Variants in OR5D3 observed in about 807,000 individuals in gnomAD.
OR5D3 encodes olfactory receptor family 5 subfamily D member 3.
At chr11:55,724,172 A>G in the OR5D3 span, 3 of 386,758 alleles carry the variant, frequency 7.8e-6, no homozygotes, top group Admixed American at 8.9e-5. Flanking sequence ...CACTTAGTTC[A>G]TTCAACAAGC....
chr11:55,723,922 C>T, the OR5D3 span: 1 of 394,640 alleles, frequency 2.5e-6, no homozygotes. Context: ...AGGAAATATA[C>T]TCTCGACACT....
the OR5D3 span, chr11:55,729,020 A>G: frequency 1.3e-5 from 2 of 152,058 alleles, no homozygotes; most frequent in South Asian, 2.1e-4. Flanking sequence ...CTATTTTTAA[A>G]TATTGTTTTG....
At chr11:55,725,425 G>A in the OR5D3 span, among the ~76,000 whole-genome samples, 111 of 152,066 alleles carry the variant, frequency 7.3e-4, 1 homozygote, top group African/African-American at 2.4e-3. Flanking sequence ...ATATTTATTT[G>A]CAGTACTCAG....
chr11:55,724,108 C>T, the OR5D3 span: 1 of 396,344 alleles, frequency 2.5e-6, no homozygotes, highest in African/African-American at 2.1e-5. Flanking sequence ...ATACTGAGTT[C>T]CGGTAATCTT....
chr11:55,724,977 C>G, the OR5D3 span, among the ~76,000 whole-genome samples: 1 of 151,976 alleles, frequency 6.6e-6, no homozygotes, highest in African/African-American at 2.4e-5. Context: ...ATGACTTAGA[C>G]TAAAGCCACA....
chr11:55,727,590 TAGA>T, the OR5D3 span: 1 of 152,184 alleles, frequency 6.6e-6, no homozygotes, highest in East Asian at 1.9e-4. Context: ...ACTTTGGCAT[TAGA>T]AGATTTACAG....
chr11:55,724,626 A>G, the OR5D3 span, among the ~76,000 whole-genome samples: 3 of 152,146 alleles, frequency 2.0e-5, no homozygotes, highest in South Asian at 2.1e-4. Context: ...ATCTAGATCT[A>G]AGCAGTTTGG....
chr11:55,724,013 G>A, the OR5D3 span: 1 of 397,960 alleles, frequency 2.5e-6, no homozygotes, highest in South Asian at 1.3e-4. Flanking sequence ...TTCAGCAAAA[G>A]ATCCTTCAGT....
At chr11:55,729,483 A>G in the OR5D3 span, 4 of 152,026 alleles carry the variant, frequency 2.6e-5, no homozygotes, top group African/African-American at 9.7e-5. Flanking sequence ...AACTATAAAA[A>G]TTATATCTGG....
At chr11:55,726,822 A>G in the OR5D3 span, 4 of 398,716 alleles carry the variant, frequency 1.0e-5, no homozygotes, top group East Asian at 1.4e-4. Flanking sequence ...TAGTTTCTGC[A>G]ACATTCAATG....
At chr11:55,725,104 A>G in the OR5D3 span, among the ~76,000 whole-genome samples, 3 of 152,052 alleles carry the variant, frequency 2.0e-5, no homozygotes, top group African/African-American at 7.3e-5. Flanking sequence ...TTCAATAACT[A>G]CTTAAGGTTT....
the OR5D3 span, chr11:55,726,789 C>A: frequency 7.5e-6 from 3 of 398,962 alleles, no homozygotes; most frequent in Non-Finnish European, 1.3e-5. Flanking sequence ...GCTCTGACCC[C>A]TACATGAGCC....
chr11:55,726,825 A>G, the OR5D3 span: 1 of 399,020 alleles, frequency 2.5e-6, no homozygotes, highest in Non-Finnish European at 4.4e-6. Context: ...TTTCTGCAAC[A>G]TTCAATGAAA....
At chr11:55,727,880 A>G in the OR5D3 span, 3 of 152,100 alleles carry the variant, frequency 2.0e-5, no homozygotes, top group African/African-American at 7.3e-5. Flanking sequence ...TCTTTTAACC[A>G]GTTTCCCCCT....
chr11:55,727,162 T>C, the OR5D3 span: 2 of 398,772 alleles, frequency 5.0e-6, no homozygotes, highest in African/African-American at 2.1e-5. Flanking sequence ...AATGTAATGC[T>C]AGAAATATTA....
At chr11:55,728,997 A>C in the OR5D3 span, 1 of 152,172 alleles carries the variant, frequency 6.6e-6, no homozygotes, top group Non-Finnish European at 1.5e-5. Context: ...TTCCAGGATA[A>C]AGTTAGAATA....
chr11:55,727,230 T>C, the OR5D3 span: 1 of 397,266 alleles, frequency 2.5e-6, no homozygotes, highest in African/African-American at 2.1e-5. Flanking sequence ...TTGCATGAAA[T>C]TATGATAACC....
chr11:55,726,279 C>G, the OR5D3 span: 1 of 412,324 alleles, frequency 2.4e-6, no homozygotes, highest in Admixed American at 4.2e-5. Flanking sequence ...AATTTCCAGA[C>G]CTTCAGATAC....
chr11:55,727,297 G>A, the OR5D3 span: 1 of 391,134 alleles, frequency 2.6e-6, no homozygotes, highest in Non-Finnish European at 4.5e-6. Context: ...TAACTTTAAA[G>A]TTATAAATAC....
Sources: allele counts gnomAD v4.1 joint callset (sites outside exome capture counted in the v4.1 genomes callset), GRCh38; gene constraint gnomAD v4.1.1; transcripts MANE v1.5; gene names NCBI Gene and HGNC (gene_info 2026-07-23, HGNC 2026-07-21).